PDCD2L: variants seen among roughly 807,000 people sequenced by gnomAD.
PDCD2L encodes programmed cell death 2 like.
Under a neutral mutation model 40.4 loss-of-function variants are expected in PDCD2L, and 44 were observed. The observed-to-expected ratio is 1.09, with a 90% CI of 0.86 to 1.40. The LOEUF is 1.40. PDCD2L is among the 40% of genes most tolerant of loss of function. The pLI, the probability that PDCD2L is intolerant of heterozygous loss-of-function variation, is 0.00. For missense variants in PDCD2L, 470 were observed against 453.7 expected (o/e 1.04, Z -0.33); for synonymous variants, 194 against 174.6 (o/e 1.11, Z -0.88).
chr19:34,412,840 C>T (rs748901121), intron 4 of PDCD2L, among the ~76,000 whole-genome samples: 23 of 151,108 alleles, frequency 1.5e-4, no homozygotes, highest in Non-Finnish European at 1.6e-4. Flanking sequence ...GGTGTGCTCA[C>T]GGCTCACCAC....
At chr19:34,422,443 C>T (rs2075156491) in intron 6 of PDCD2L, 1 of 152,140 alleles carries the variant, frequency 6.6e-6, no homozygotes, top group African/African-American at 2.4e-5. Context: ...AAGCGATCCT[C>T]CCGCCTTGGC....
chr19:34,411,414 A>G (rs914178693), intron 4 of PDCD2L, among the ~76,000 whole-genome samples: 12 of 148,454 alleles, frequency 8.1e-5, no homozygotes, highest in Admixed American at 2.7e-4. Context: ...TAATTTTTGT[A>G]TTTTCTTTTT....
At chr19:34,408,991 A>G in intron 3 of PDCD2L, 170 bp from the exon 4 acceptor site, 3 of 608,990 alleles carry the variant, frequency 4.9e-6, no homozygotes, top group Non-Finnish European at 8.7e-6. Flanking sequence ...GTCACCTCCA[A>G]CGTGCTTTTG....
intron 6 of PDCD2L, among the ~76,000 whole-genome samples, chr19:34,425,227 T>C (rs1042050039): frequency 6.6e-6 from 1 of 152,056 alleles, no homozygotes; most frequent in Non-Finnish European, 1.5e-5. Flanking sequence ...CTCTTAGGGT[T>C]TATTTTATAT....
chr19:34,416,842 T>G (rs1255693716), intron 5 of PDCD2L, among the ~76,000 whole-genome samples: 1 of 152,022 alleles, frequency 6.6e-6, no homozygotes. Flanking sequence ...CCAGCTGGAC[T>G]CGGTGGCTCA....
intron 5 of PDCD2L, among the ~76,000 whole-genome samples, chr19:34,415,123 T>C (rs953706733): frequency 9.2e-5 from 14 of 151,972 alleles, no homozygotes; most frequent in African/African-American, 3.4e-4. Flanking sequence ...ATTTTTTAAT[T>C]TATTTTTATT....
chr19:34,413,033 A>G (rs1171323713), intron 4 of PDCD2L, among the ~76,000 whole-genome samples: 1 of 141,470 alleles, frequency 7.1e-6, no homozygotes, highest in African/African-American at 2.7e-5. Context: ...AGCCCACTGC[A>G]CTGGCCTGAG....
At chr19:34,406,067 A>AG (rs1231648010) in intron 3 of PDCD2L, among the ~76,000 whole-genome samples, 1 of 152,172 alleles carries the variant, frequency 6.6e-6, no homozygotes, top group Non-Finnish European at 1.5e-5. Flanking sequence ...GCTTGAGTCT[A>AG]GGAGGTTGAG....
chr19:34,421,397 T>C, intron 5 of PDCD2L, 122 bp from the exon 6 acceptor site: 1 of 1,103,346 alleles, frequency 9.1e-7, no homozygotes, highest in Non-Finnish European at 1.3e-6. Flanking sequence ...GCCATGGTGC[T>C]AGGTTTTTGG....
rs117190003 is a variant in PDCD2L at position 34,421,092 on chromosome 19, C to T, written c.798-427C>T. 1.8e-3 allele frequency among the ~76,000 whole-genome samples: 267 copies of T among 152,034 alleles called. 4 individuals carry two copies. In the East Asian group the frequency reaches 0.039, roughly 22 times the overall value. On this transcript the variant is annotated intron_variant, in intron 5 of 6. Coordinates refer to ENST00000246535, the MANE Select transcript of PDCD2L (RefSeq NM_032346.2). ...GAGGTGGAGATCAGGTGGTAATGCT[C>T]GCTTGGCTGTTGCTCACCTCCTGCT...
chr19:34,410,762 T>TTTTATTTTTTATTTATTTATTTA (rs2075098592), intron 4 of PDCD2L, among the ~76,000 whole-genome samples: 1 of 146,248 alleles, frequency 6.8e-6, no homozygotes, highest in African/African-American at 2.5e-5. Context: ...ACTTTTTATT[T>TTTTATTTTTTATTTATTTATTTA]TTTATTTATT....
chr19:34,420,552 C>T (rs1224628014), intron 5 of PDCD2L, among the ~76,000 whole-genome samples: 1 of 151,872 alleles, frequency 6.6e-6, no homozygotes, highest in African/African-American at 2.4e-5. Flanking sequence ...CTTTGGGAGG[C>T]TGAGGTGGGA....
intron 4 of PDCD2L, among the ~76,000 whole-genome samples, chr19:34,410,794 A>ATTTATTTATTTT: frequency 6.6e-6 from 1 of 150,616 alleles, no homozygotes; most frequent in Admixed American, 6.6e-5. Context: ...TTATTTATTT[A>ATTTATTTATTTT]TTTTTGTGTG....
Position 34,426,036 on chromosome 19 carries a change from G to A in PDCD2L, c.993G>A (p.Lys331=). 1 of 1,613,174 alleles carries A rather than the reference G, an allele frequency of 6.2e-7. No homozygotes were observed. The highest frequency in any genetic ancestry group is 8.5e-7 in the Non-Finnish European group (1 of 1,179,218). Residue 331 remains lysine (K), a synonymous_variant, in exon 7 of 7, where the codon AAG becomes AAA. Transcript: ENST00000246535. ...FGTILVYTCE[K]SCWPPNHQTP... is the part of the protein sequence containing the mutation. The stretch of plus-strand genomic sequence containing the variant: ...CAATTCTAGTTTACACATGTGAGAA[G>A]AGTTGCTGGCCCCCAAATCATCAGA...
chr19:34,423,760 AT>A (rs1175168334), intron 6 of PDCD2L, among the ~76,000 whole-genome samples: 27 of 150,614 alleles, frequency 1.8e-4, no homozygotes, highest in Non-Finnish European at 1.2e-4. Context: ...AAGTGCTGGG[AT>A]TTACAGGCAT....
chr19:34,409,415 T>G lies in PDCD2L; in HGVS notation c.591T>G (p.Asp197Glu). 1 of 1,614,172 alleles carries G rather than the reference T, an allele frequency of 6.2e-7. No individual in the cohort carries two copies. Residue 197 changes from aspartate (D) to glutamate (E), a missense_variant, in exon 4 of 7, where the codon GAT becomes GAG. Asp to Glu is a conservative substitution (Grantham distance 45). Transcript: ENST00000246535. ...ACATCTGTGTTGCAGATGAGGATGA[T>G]TACAGGGACTTTGTCAACCTGGATC... ...PYYICVADED[D>E]YRDFVNLDHA...
chr19:34,422,214 C>G (rs1331813332), intron 6 of PDCD2L: 1 of 144,984 alleles, frequency 6.9e-6, no homozygotes, highest in African/African-American at 2.6e-5. Flanking sequence ...GTGGCACGTT[C>G]TTGGCTCACT....
At chr19:34,412,983 G>T (rs1234263050) in intron 4 of PDCD2L, among the ~76,000 whole-genome samples, 3 of 151,850 alleles carry the variant, frequency 2.0e-5, no homozygotes, top group South Asian at 2.1e-4. Context: ...CAAGTGATCC[G>T]CCTGCCTCGG....
intron 6 of PDCD2L, among the ~76,000 whole-genome samples, chr19:34,423,768 G>A (rs1408806223): frequency 6.6e-6 from 1 of 152,074 alleles, no homozygotes; most frequent in Non-Finnish European, 1.5e-5. Context: ...GGATTTACAG[G>A]CATGAGCCAC....
Sources: allele counts gnomAD v4.1 joint callset (sites outside exome capture counted in the v4.1 genomes callset), GRCh38; gene constraint gnomAD v4.1.1; transcripts MANE v1.5; gene names NCBI Gene and HGNC (gene_info 2026-07-23, HGNC 2026-07-21).